Variants in ARHGEF1 observed in about 807,000 individuals in gnomAD.
The protein encoded by ARHGEF1 is Rho guanine nucleotide exchange factor 1.
In ARHGEF1, 40 loss-of-function variants were observed where a neutral mutation model predicts 119.7. The observed-to-expected ratio is 0.33, with a 90% confidence interval of 0.26 to 0.44. The LOEUF is 0.44. Ranked by LOEUF, ARHGEF1 falls within the 20% of genes least tolerant of loss-of-function variation. ARHGEF1 has a pLI of 1.00. For missense variants in ARHGEF1, 976 were observed against 1,268.3 expected, an observed-to-expected ratio of 0.77 and a Z score of 3.50; for synonymous variants, 494 against 521.0, an observed-to-expected ratio of 0.95 and a Z score of 0.71.
Position 41,898,323 on chromosome 19 carries a change from G to A in ARHGEF1, c.1122-119G>A, listed in dbSNP as rs188415185. 96 of 1,467,088 alleles carry A rather than the reference G, an allele frequency of 6.5e-5. 1 individual carries two copies. The highest frequency in any genetic ancestry group is 6.9e-5 in the Non-Finnish European group (75 of 1,088,588). The allele number at this position is 1,467,088 out of a possible 1,614,324, so 90.9% of individuals were successfully genotyped here. ...GATCTAGAGACCTGGTCTGCTGCAC[G>A]GGCCACCCTGCGGGCATCGAATGCC... On this transcript the variant is annotated intron_variant, in intron 13 of 28. Transcript: ENST00000354532.
rs892121733 is a variant in ARHGEF1, at chr19:41,883,744, C to T, written c.-20+455C>T. Among the ~76,000 whole-genome samples, 3 of 152,228 alleles carry T rather than the reference C, an allele frequency of 2.0e-5. No individual in the cohort carries two copies. The highest frequency in any genetic ancestry group is 4.4e-5 in the Non-Finnish European group (3 of 68,040). ...TAAAAATGAAAAACAACAATAACAA[C>T]AACGACGAGGGTCGCTGTGAAGCTG... On this transcript the variant is annotated intron_variant, in intron 1 of 28. Transcript: ENST00000354532. This position sits in a 1 kb window ranked among gnomAD's most constrained non-coding sequence, Gnocchi z 7.6.
Position 41,892,791 on chromosome 19 carries a change from TACGAGGCCCGGGAGCGGC to T in ARHGEF1, c.560_577del (p.Glu187_His192del). 1 of 1,598,736 alleles carries T rather than the reference TACGAGGCCCGGGAGCGGC, an allele frequency of 6.3e-7. No homozygotes were observed. The highest frequency in any genetic ancestry group is 8.5e-7 in the Non-Finnish European group (1 of 1,175,016). On this transcript the variant is annotated inframe_deletion, in exon 7 of 29. Transcript: ENST00000354532. The surrounding 1 kb of genome is among the most constrained non-coding windows in gnomAD (Gnocchi z 6.3). ...TTGGGTTGGGCGGGACCGAGCCAGC[TACGAGGCCCGGGAGCGGC>T]ACGTGGCGGAGCGGCTGCTCATGCA...
In ARHGEF1 at chr19:41,894,466, C is replaced by A. The variant is rs1555847075; in HGVS notation, c.760C>A (p.Arg254=). 12 of 1,563,706 alleles carry A rather than the reference C, an allele frequency of 7.7e-6. No homozygotes were observed. The highest frequency in any genetic ancestry group is 1.0e-5 in the Non-Finnish European group (12 of 1,152,704). The part of the protein sequence containing the change: ...FFRKKVMGNR[R]SDEPAKTKKG... The stretch of plus-strand genomic sequence containing the variant: ...CCTCTCACAGGTGATGGGGAACCGG[C>A]GGTCGGACGAGCCTGCCAAGACCAA... Residue 254 remains arginine, a synonymous_variant, in exon 10 of 29, where the codon CGG becomes AGG. Transcript: ENST00000354532.
intron 14 of ARHGEF1, 91 bp downstream of exon 14, chr19:41,898,678 G>A: frequency 6.9e-7 from 1 of 1,442,466 alleles, no homozygotes; most frequent in Non-Finnish European, 9.2e-7. Context: ...GTTCATCTTG[G>A]TGTCATTTAC....
At chr19:41,929,153 A>G (rs2074890645) in intron 2 of ARHGEF1, among the ~76,000 whole-genome samples, 1 of 151,960 alleles carries the variant, frequency 6.6e-6, no homozygotes, top group African/African-American at 2.4e-5. Context: ...ACACACAGAG[A>G]AACATATGCA....
chr19:41,894,797 A>T (rs1438853688), intron 11 of ARHGEF1, 136 bp downstream of exon 11: 1 of 1,018,864 alleles, frequency 9.8e-7, no homozygotes, highest in African/African-American at 1.8e-5. Flanking sequence ...GGGGGCCTGG[A>T]CACCTGGGTC....
intron 14 of ARHGEF1, 107 bp downstream of exon 14, chr19:41,898,694 G>A (rs2074552526): frequency 1.4e-6 from 2 of 1,396,646 alleles, no homozygotes; most frequent in African/African-American, 2.9e-5. Context: ...TTTACCATCG[G>A]GAGAACTTGA....
chr19:41,926,369 A>T (rs535234023), intron 1 of ARHGEF1, among the ~76,000 whole-genome samples: 1 of 152,170 alleles, frequency 6.6e-6, no homozygotes, highest in South Asian at 2.1e-4. Context: ...AGGTATGAGG[A>T]GATAGATGTT....
rs1370764038 is a variant in ARHGEF1 at position 41,917,938 on chromosome 19, G to A, written c.1866-5154G>A. 1.3e-5 allele frequency among the ~76,000 whole-genome samples: 2 copies of A among 151,794 alleles called. No individual in the cohort carries two copies. Among genetic ancestry groups the A allele is most frequent in the African/African-American group, 4.9e-5 (2 of 41,180 alleles). On this transcript the variant is annotated intron_variant, in intron 18 of 20. Transcript: ENST00000599589. The surrounding 1 kb of genome is among the most constrained non-coding windows in gnomAD (Gnocchi z 4.8). ...GCGGTCACACACTGTGTGTGTGTGT[G>A]CTCACACACCTGTCCGTCCAGACTA...
Position 41,903,698 on chromosome 19 carries a change from C to T in ARHGEF1, c.1840-9C>T. ...GCTTGTCCCCATAATGCTCCCGTCT[C>T]TGCCCCAGAGGCTCAAGGACTATCA... On this transcript the variant is annotated splice_polypyrimidine_tract_variant and intron_variant, in intron 19 of 28. Coordinates refer to ENST00000354532, the MANE Select transcript of ARHGEF1 (RefSeq NM_004706.4). This position sits in a 1 kb window ranked among gnomAD's most constrained non-coding sequence, Gnocchi z 4.2. 1 of 1,612,302 alleles carries T rather than the reference C, an allele frequency of 6.2e-7. No homozygotes were observed. The highest frequency in any genetic ancestry group is 8.5e-7 in the Non-Finnish European group (1 of 1,179,980).
chr19:41,896,830 A>ATCCTCTCTCACCTCCCCGC, intron 13 of ARHGEF1: 1 of 128,806 alleles, frequency 7.8e-6, no homozygotes. Flanking sequence ...CACCTCCCCC[A>ATCCTCTCTCACCTCCCCGC]TCCTCTCTCA....
chr19:41,928,041 T>G (rs987410311), intron 1 of ARHGEF1: 5 of 152,118 alleles, frequency 3.3e-5, no homozygotes, highest in Admixed American at 6.5e-5. Context: ...CTCACTCACT[T>G]TCTGGGCTTT....
In ARHGEF1 at chr19:41,914,569, G is replaced by GC. The variant is rs1418050068; in HGVS notation, c.1865+7766_1865+7767insC. Among the ~76,000 whole-genome samples the GC allele has an allele frequency of 7.6e-3, 181 of 23,950 alleles. 15 individuals are homozygous for GC. The highest frequency in any genetic ancestry group is 0.026 in the African/African-American group (169 of 6,592). 15.7% of individuals were successfully genotyped at this position (23,950 alleles called of 152,430 possible). On this transcript the variant is annotated intron_variant, in intron 18 of 20. Transcript: ENST00000599589. Reference sequence around the variant, plus strand: ...CTTTCCCTCCCCTTCCACCATCTCTGTCTCCGTCTCTCCCTCCCTTTCCAC... The same window carrying GC: ...CTTTCCCTCCCCTTCCACCATCTCTGCTCTCCGTCTCTCCCTCCCTTTCCAC...
Position 41,906,409 on chromosome 19 carries a change from G to A in ARHGEF1, c.2492-48G>A. The A allele has an allele frequency of 1.3e-6, 2 of 1,511,936 alleles. No homozygotes were observed. The highest frequency in any genetic ancestry group is 2.7e-5 in the South Asian group (2 of 74,320). 93.7% of individuals were successfully genotyped at this position (1,511,936 alleles called of 1,614,324 possible). On this transcript the variant is annotated intron_variant, in intron 26 of 28. Coordinates refer to ENST00000354532, the MANE Select transcript of ARHGEF1 (RefSeq NM_004706.4). This position sits in a 1 kb window ranked among gnomAD's most constrained non-coding sequence, Gnocchi z 4.5. ...TTGGAATCCCCCATCCCAGATCCCA[G>A]CCCAGCCCCCTGGTCTCCTGACTCC... is the stretch of plus-strand genomic sequence containing the variant.
At position 41,905,031 on chromosome 19, in the gene ARHGEF1, G is replaced by T. The variant is rs1555849827; in HGVS notation, c.2244G>T (p.Arg748=). Residue 748 remains arginine (R), a synonymous_variant, in exon 23 of 29, where the codon CGG becomes CGT. Transcript: ENST00000354532. This position sits in a 1 kb window ranked among gnomAD's most constrained non-coding sequence, Gnocchi z 6.4. ...TGGTGGCACAGACTGTGTCGGAGCG[G>T]AAAAAGTGAGGGGGGGTCTGAGTTC... ...YELVAQTVSE[R]KNWCALITET... is the part of the protein sequence containing the mutation. 6 of 1,614,148 alleles carry T rather than the reference G, an allele frequency of 3.7e-6. No individual in the cohort carries two copies. Among genetic ancestry groups the T allele is most frequent in the Non-Finnish European group, 5.1e-6 (6 of 1,179,978 alleles).
In ARHGEF1 at chr19:41,902,332, G is replaced by T. The variant is rs1555849188; in HGVS notation, c.1473G>T (p.Glu491Asp). The T allele has an allele frequency of 1.2e-6, 2 of 1,614,120 alleles. No homozygotes were observed. Among genetic ancestry groups the T allele is most frequent in the Admixed American group, 3.3e-5 (2 of 60,034 alleles). Residue 491 changes from glutamate to aspartate, a missense_variant, in exon 16 of 29, where the codon GAG (glutamate) becomes GAT (aspartate). Glu to Asp is a conservative substitution (Grantham distance 45). This residue lies in a region of ARHGEF1 where 286 missense variants were observed against 506.8 expected (regional missense o/e 0.56). Coordinates refer to ENST00000354532, the MANE Select transcript of ARHGEF1 (RefSeq NM_004706.4). This position sits in a 1 kb window ranked among gnomAD's most constrained non-coding sequence, Gnocchi z 6.5. ...RRQESGYLIEEIGDVLLARFD... is the reference protein window; with the variant it reads ...RRQESGYLIEDIGDVLLARFD... Reference sequence around the variant, plus strand: ...AGGAGAGTGGCTACCTCATCGAGGAGATCGGAGACGTGCTGCTGGCCCGGG... The same window carrying T: ...AGGAGAGTGGCTACCTCATCGAGGATATCGGAGACGTGCTGCTGGCCCGGG...
chr19:41,884,054 C>G (rs1298459263), intron 1 of ARHGEF1, among the ~76,000 whole-genome samples: 1 of 152,156 alleles, frequency 6.6e-6, no homozygotes, highest in Non-Finnish European at 1.5e-5. Context: ...TCAGCGGGTC[C>G]CCTAAGTGGG....
chr19:41,908,609 G>A, downstream of ARHGEF1: 1 of 1,231,788 alleles, frequency 8.1e-7, no homozygotes, highest in Non-Finnish European at 1.0e-6. This position sits in a 1 kb window ranked among gnomAD's most constrained non-coding sequence, Gnocchi z 6.7. Flanking sequence ...TAAAGTTCCA[G>A]GGGTACTCAG....
At chr19:41,919,129 A>C (rs1555852213), upstream of ARHGEF1, among the ~76,000 whole-genome samples, 1 of 151,530 alleles carries the variant, frequency 6.6e-6, no homozygotes, top group Non-Finnish European at 1.5e-5. Flanking sequence ...CACATCACCC[A>C]CATACCACAC....
Sources: gnomAD v4.1 joint callset for allele counts (sites outside exome capture counted in the v4.1 genomes callset) on GRCh38, gnomAD v4.1.1 for gene constraint, gnomAD v4.1.1 regional missense constraint, Gnocchi (gnomAD v3.1) non-coding constraint, MANE v1.5 for transcripts, NCBI Gene and HGNC (gene_info 2026-07-23, HGNC 2026-07-21) for gene names.